RAB38: variants seen among roughly 807,000 people sequenced by gnomAD.
The protein encoded by RAB38 is RAB38, member RAS oncogene family, also known as ras-related protein Rab-38.
Under a neutral mutation model 18.4 loss-of-function variants are expected in RAB38, and 15 were observed. The ratio of observed to expected loss-of-function variants is 0.82; its 90% CI spans 0.55 to 1.26. RAB38 has a LOEUF of 1.26. RAB38 is among the 50% of genes most tolerant of loss of function. RAB38 has a pLI of 0.00. For synonymous variants in RAB38, 101 were observed against 104.4 expected (o/e 0.97, Z 0.20); for missense variants, 294 against 267.4 (o/e 1.10, Z -0.69).
At chr11:87,900,524 A>G in the RAB38 span, among the ~76,000 whole-genome samples, 1 of 151,616 alleles carries the variant, frequency 6.6e-6, no homozygotes, top group Non-Finnish European at 1.5e-5. Flanking sequence ...TTCTTTAAAT[A>G]CTTATATTCA....
At chr11:87,956,484 G>A in the RAB38 span, among the ~76,000 whole-genome samples, 850 of 152,184 alleles carry the variant, frequency 5.6e-3, 10 homozygotes, top group African/African-American at 0.02. Context: ...CCTGCACCAT[G>A]GCCTCCCACT....
chr11:87,939,753 A>G, the RAB38 span, among the ~76,000 whole-genome samples: 1 of 152,032 alleles, frequency 6.6e-6, no homozygotes, highest in African/African-American at 2.4e-5. Context: ...TTAGTTAGGC[A>G]TGGTGGCTCA....
the RAB38 span, among the ~76,000 whole-genome samples, chr11:87,807,285 C>G: frequency 2.0e-5 from 3 of 152,194 alleles, no homozygotes; most frequent in Non-Finnish European, 4.4e-5. Flanking sequence ...AATGCTAATA[C>G]AAACAAAGTT....
the RAB38 span, among the ~76,000 whole-genome samples, chr11:87,818,395 T>C: frequency 1.3e-5 from 2 of 152,200 alleles, no homozygotes; most frequent in East Asian, 3.9e-4. Flanking sequence ...TCATTTAATT[T>C]TCTCAAGAAT....
chr11:87,953,453 A>G, the RAB38 span, among the ~76,000 whole-genome samples: 117 of 152,304 alleles, frequency 7.7e-4, 2 homozygotes, highest in East Asian at 0.017. Flanking sequence ...GGTTTTAGCT[A>G]CTTATATTTA....
the RAB38 span, among the ~76,000 whole-genome samples, chr11:87,876,230 A>G: frequency 1.3e-5 from 2 of 151,588 alleles, no homozygotes; most frequent in Non-Finnish European, 3.0e-5. Flanking sequence ...CCTTCTGATC[A>G]ACTACGACAT....
downstream of RAB38, among the ~76,000 whole-genome samples, chr11:88,112,149 A>G (rs1222415262): frequency 2.6e-5 from 4 of 152,178 alleles, no homozygotes; most frequent in East Asian, 7.7e-4. Flanking sequence ...ATCAAGACCA[A>G]TTCATGGATT....
chr11:87,928,931 A>G, the RAB38 span, among the ~76,000 whole-genome samples: 1 of 152,104 alleles, frequency 6.6e-6, no homozygotes, highest in African/African-American at 2.4e-5. Flanking sequence ...CCTGACCAAC[A>G]TGGTGAAACC....
In RAB38 at chr11:88,149,917, G is replaced by A. The variant is rs1051717924; in HGVS notation, c.241C>T (p.Arg81Ter). The change falls in exon 2 of 3, where the codon CGA (arginine) becomes TGA (stop). Residue 81 changes from arginine (R) to a stop codon, truncating the protein, a stop_gained. Coordinates refer to ENST00000243662, the MANE Select transcript of RAB38 (RefSeq NM_022337.3). LOFTEE classifies it high-confidence loss of function. ...ACAATAAATGCACCCATAGCTTCTC[G>A]GTAATAGACCCTCGTCATGTTTCCA... ...RFGNMTRVYY[R>*]EAMGAFIVFD... 13 of 1,613,424 alleles carry A rather than the reference G, an allele frequency of 8.1e-6. No individual in the cohort carries two copies. The highest frequency in any genetic ancestry group is 1.6e-4 in the Middle Eastern group (1 of 6,082).
At chr11:87,814,596 T>C in the RAB38 span, among the ~76,000 whole-genome samples, 1 of 152,180 alleles carries the variant, frequency 6.6e-6, no homozygotes, top group Non-Finnish European at 1.5e-5. Context: ...GAATTTCAGC[T>C]TTGGGTGTTG....
the RAB38 span, among the ~76,000 whole-genome samples, chr11:87,840,344 AG>A: frequency 6.6e-6 from 1 of 152,244 alleles, no homozygotes; most frequent in African/African-American, 2.4e-5. Context: ...TTTCAGAGTA[AG>A]CAAATAGTAT....
chr11:88,021,859 A>AAT, the RAB38 span, among the ~76,000 whole-genome samples: 1 of 145,142 alleles, frequency 6.9e-6, no homozygotes, highest in African/African-American at 2.7e-5. Context: ...ATCTCAAAAA[A>AAT]AAAAAAAAAA....
intron 2 of RAB38, among the ~76,000 whole-genome samples, chr11:88,133,941 G>A (rs988036270): frequency 2.0e-5 from 3 of 152,124 alleles, no homozygotes; most frequent in Admixed American, 2.0e-4. Context: ...ATCTAAATGT[G>A]GGAATGCCAA....
At chr11:87,952,912 T>C in the RAB38 span, among the ~76,000 whole-genome samples, 1 of 152,304 alleles carries the variant, frequency 6.6e-6, no homozygotes, top group African/African-American at 2.4e-5. Flanking sequence ...ACCACTGTGT[T>C]TGTGTCTTTA....
the RAB38 span, among the ~76,000 whole-genome samples, chr11:87,944,071 T>C: frequency 6.6e-6 from 1 of 152,190 alleles, no homozygotes; most frequent in African/African-American, 2.4e-5. Flanking sequence ...CATGAATTCT[T>C]TGGTGTCCCA....
the RAB38 span, among the ~76,000 whole-genome samples, chr11:87,962,331 A>G: frequency 3.3e-5 from 5 of 152,200 alleles, no homozygotes; most frequent in African/African-American, 1.2e-4. Context: ...ACTTTGTCAT[A>G]TGTGACTGCA....
chr11:87,806,611 A>G, the RAB38 span, among the ~76,000 whole-genome samples: 7,255 of 152,268 alleles, frequency 0.048, 310 homozygotes, highest in Admixed American at 0.14. Flanking sequence ...AAGCATTTAT[A>G]TCCTGTTTCA....
the RAB38 span, among the ~76,000 whole-genome samples, chr11:87,837,171 T>A: frequency 6.6e-6 from 1 of 152,192 alleles, no homozygotes; most frequent in Non-Finnish European, 1.5e-5. Flanking sequence ...TCTTTAAGAT[T>A]TCCTTATTAT....
chr11:87,918,850 C>T, the RAB38 span, among the ~76,000 whole-genome samples: 1 of 151,584 alleles, frequency 6.6e-6, no homozygotes, highest in Non-Finnish European at 1.5e-5. Flanking sequence ...TGTTTCTTTT[C>T]CTGTGCAAGA....
Sources: allele counts gnomAD v4.1 joint callset (sites outside exome capture counted in the v4.1 genomes callset), GRCh38; gene constraint gnomAD v4.1.1; transcripts MANE v1.5; gene names NCBI Gene and HGNC (gene_info 2026-07-23, HGNC 2026-07-21).